The following ARHGAP26 variants were observed in gnomAD, a reference collection of about 807,000 sequenced individuals.
ARHGAP26 encodes rho GTPase-activating protein 26.
ARHGAP26 carries 38 observed loss-of-function variants against 104.8 expected under a neutral mutation model. That is an observed-to-expected ratio of 0.36 (90% confidence interval 0.28 to 0.48). The LOEUF (loss-of-function observed/expected upper bound fraction) is 0.48. Among genes scored for constraint, ARHGAP26 ranks in the 20% least tolerant of loss-of-function variants. The pLI, the probability that ARHGAP26 is intolerant of heterozygous loss-of-function variation, is 0.99. For synonymous variants in ARHGAP26, 341 were observed against 340.0 expected (o/e 1.00, Z -0.03); for missense variants, 704 against 947.9 (o/e 0.74, Z 3.38).
chr5:142,916,330 G>T (rs573978876), intron 10 of ARHGAP26, among the ~76,000 whole-genome samples: 2 of 152,232 alleles, frequency 1.3e-5, no homozygotes, highest in East Asian at 1.9e-4. Flanking sequence ...CCTTTAGGAG[G>T]TGATATCCTA....
At chr5:143,014,030 A>G (rs201200878) in intron 11 of ARHGAP26, 50 bp from the exon 12 acceptor site, 365 of 1,574,656 alleles carry the variant, frequency 2.3e-4, no homozygotes, top group Admixed American at 3.7e-4. Flanking sequence ...CAGTGAACCT[A>G]TAGGGTGGCA....
chr5:142,787,106 T>C (rs922352666), intron 1 of ARHGAP26, among the ~76,000 whole-genome samples: 1 of 152,074 alleles, frequency 6.6e-6, no homozygotes, highest in Non-Finnish European at 1.5e-5. Context: ...CATTTCAGAG[T>C]GAGAGGATGT....
intron 20 of ARHGAP26, among the ~76,000 whole-genome samples, chr5:143,191,543 A>G (rs2151256063): frequency 6.6e-6 from 1 of 152,360 alleles, no homozygotes; most frequent in East Asian, 1.9e-4. Flanking sequence ...TCTATATACT[A>G]ATAATAATGA....
chr5:142,920,244 A>G (rs1345774387), intron 10 of ARHGAP26, among the ~76,000 whole-genome samples: 1 of 152,222 alleles, frequency 6.6e-6, no homozygotes, highest in East Asian at 1.9e-4. Flanking sequence ...CAGGATGTGA[A>G]TCGGTAGTAC....
rs116124038 is a variant in ARHGAP26, at chr5:142,830,817, G to T, written c.155-42583G>T. Among the ~76,000 whole-genome samples the T allele has an allele frequency of 9.4e-3, 1,426 of 152,232 alleles. 16 individuals carry two copies. The highest frequency in any genetic ancestry group is 0.014 in the Non-Finnish European group (985 of 68,010). On this transcript the variant is annotated intron_variant, in intron 1 of 22. Transcript: ENST00000645722. ...GTGATTAGTCACTCAGCCAGACTGC[G>T]CCGTATCCCCCTCTCTCAGTTTGTA...
chr5:142,967,115 A>C (rs1771497652), intron 11 of ARHGAP26, among the ~76,000 whole-genome samples: 2 of 152,176 alleles, frequency 1.3e-5, no homozygotes, highest in African/African-American at 2.4e-5. Flanking sequence ...TAGGATGGCA[A>C]ATTTTTTTTA....
At chr5:142,865,451 A>C (rs1754093676) in intron 1 of ARHGAP26, among the ~76,000 whole-genome samples, 1 of 150,608 alleles carries the variant, frequency 6.6e-6, no homozygotes, top group Non-Finnish European at 1.5e-5. Context: ...TAGTGGGCCC[A>C]GAACTTGGAG....
At chr5:142,808,236 GAAAAAAAAAAAAAAAA>G (rs58550799) in intron 1 of ARHGAP26, among the ~76,000 whole-genome samples, 10 of 32,698 alleles carry the variant, frequency 3.1e-4, no homozygotes, top group Non-Finnish European at 4.8e-4. Context: ...CATTGTCTCG[GAAAAAAAAAAAAAAAA>G]AAAAAAAAAA....
At chr5:143,217,561 C>T (rs375757201) in intron 22 of ARHGAP26, among the ~76,000 whole-genome samples, 3 of 152,294 alleles carry the variant, frequency 2.0e-5, no homozygotes, top group South Asian at 4.1e-4. Context: ...GGAGCTGGAT[C>T]CATTCATTCC....
At chr5:142,957,875 G>A (rs1009560588) in intron 11 of ARHGAP26, among the ~76,000 whole-genome samples, 3 of 152,170 alleles carry the variant, frequency 2.0e-5, no homozygotes, top group African/African-American at 7.2e-5. Context: ...CACGCATTGC[G>A]TTTTGCACAT....
At chr5:143,011,303 C>CTTTTTTTTTTTTTT (rs58841045) in intron 11 of ARHGAP26, among the ~76,000 whole-genome samples, 2 of 110,986 alleles carry the variant, frequency 1.8e-5, no homozygotes, top group African/African-American at 3.5e-5. Context: ...TAAACCCCCG[C>CTTTTTTTTTTTTTT]TTTTTTTTTT....
chr5:142,894,105 T>G, intron 5 of ARHGAP26, 133 bp from the exon 6 acceptor site: 1 of 632,466 alleles, frequency 1.6e-6, no homozygotes, highest in Non-Finnish European at 2.8e-6. Context: ...CTATAGTTAT[T>G]CTTCTTCTGT....
intron 1 of ARHGAP26, among the ~76,000 whole-genome samples, chr5:142,820,418 T>C (rs930805334): frequency 6.6e-6 from 1 of 151,894 alleles, no homozygotes; most frequent in Non-Finnish European, 1.5e-5. Flanking sequence ...TTGGGTTTGA[T>C]CTTTTTAGTC....
intron 11 of ARHGAP26, among the ~76,000 whole-genome samples, chr5:143,003,646 C>T (rs11744069): frequency 0.59 from 89,025 of 151,960 alleles, 29,911 homozygotes; most frequent in Non-Finnish European, 0.77. Flanking sequence ...ATCAAAGAAA[C>T]GAGAGATTAA....
chr5:142,796,137 T>G (rs1421046929), intron 1 of ARHGAP26, among the ~76,000 whole-genome samples: 1 of 151,856 alleles, frequency 6.6e-6, no homozygotes, highest in Non-Finnish European at 1.5e-5. Flanking sequence ...GCAAAGATGT[T>G]TGCCATTGTT....
chr5:142,963,662 G>C (rs1770786303), intron 11 of ARHGAP26, among the ~76,000 whole-genome samples: 1 of 152,110 alleles, frequency 6.6e-6, no homozygotes, highest in South Asian at 2.1e-4. Flanking sequence ...CCTTCTCAGA[G>C]AGGTGATTAC....
At chr5:143,059,509 A>G (rs1786377110) in intron 17 of ARHGAP26, among the ~76,000 whole-genome samples, 2 of 152,232 alleles carry the variant, frequency 1.3e-5, no homozygotes, top group Non-Finnish European at 2.9e-5. Context: ...TGAACAGTTG[A>G]ACTTGTTCAT....
intron 20 of ARHGAP26, among the ~76,000 whole-genome samples, chr5:143,185,547 T>TAC (rs1562572430): frequency 6.6e-6 from 1 of 152,228 alleles, no homozygotes. Context: ...TCCTTGTTTA[T>TAC]TTTTGCTTTT....
intron 5 of ARHGAP26, among the ~76,000 whole-genome samples, chr5:142,888,577 A>T (rs2152414586): frequency 6.6e-6 from 1 of 152,288 alleles, no homozygotes; most frequent in Non-Finnish European, 1.5e-5. Context: ...GATTATCCAG[A>T]GTTGTTCCCT....
Sources: gnomAD v4.1 joint callset for allele counts (sites outside exome capture counted in the v4.1 genomes callset) on GRCh38, gnomAD v4.1.1 for gene constraint, MANE v1.5 for transcripts, NCBI Gene and HGNC (gene_info 2026-07-23, HGNC 2026-07-21) for gene names.